Variants in ADAMTSL3 observed in about 807,000 individuals in gnomAD.
ADAMTSL3 encodes the protein ADAMTS like 3, also known as ADAMTS-like protein 3.
ADAMTSL3 carries 128 observed loss-of-function variants against 201.7 expected under a neutral mutation model. The ratio of observed to expected loss-of-function variants is 0.63; its 90% CI spans 0.55 to 0.73. ADAMTSL3 has a LOEUF of 0.73. Ranked by LOEUF, ADAMTSL3 falls within the 30% of genes least tolerant of loss-of-function variation. The pLI, the probability that ADAMTSL3 is intolerant of heterozygous loss-of-function variation, is 0.00. For synonymous variants in ADAMTSL3, 738 were observed against 748.4 expected, an observed-to-expected ratio of 0.99 and a Z score of 0.23; for missense variants, 1,990 against 2,119.6, an observed-to-expected ratio of 0.94 and a Z score of 1.20.
chr15:83,802,042 A>G (rs2063533026), intron 4 of ADAMTSL3, among the ~76,000 whole-genome samples: 1 of 152,120 alleles, frequency 6.6e-6, no homozygotes, highest in African/African-American at 2.4e-5. Context: ...AAGTCTCAAT[A>G]TCAAGGGTCA....
intron 19 of ADAMTSL3, among the ~76,000 whole-genome samples, chr15:83,959,521 A>G (rs998269134): frequency 6.6e-6 from 1 of 152,218 alleles, no homozygotes; most frequent in Admixed American, 6.5e-5. Flanking sequence ...CTTCTCAACA[A>G]TACCACTTCA....
chr15:83,974,862 A>ATGCCT (rs2067254952), intron 20 of ADAMTSL3, among the ~76,000 whole-genome samples: 1 of 152,112 alleles, frequency 6.6e-6, no homozygotes. Context: ...GGATTAGGGA[A>ATGCCT]GAGGAACCCA....
chr15:83,977,176 G>A (rs72748643), intron 20 of ADAMTSL3, among the ~76,000 whole-genome samples: 14,309 of 152,144 alleles, frequency 0.094, 886 homozygotes, highest in East Asian at 0.32. Context: ...AGGGATCTAG[G>A]TTGCAGCTCC....
chr15:83,892,566 C>T (rs966471562), intron 12 of ADAMTSL3, 118 bp from the exon 13 acceptor site: 3 of 968,204 alleles, frequency 3.1e-6, no homozygotes, highest in Non-Finnish European at 4.6e-6. Context: ...ACTCCCAGTC[C>T]CAGGCTCATT....
intron 3 of ADAMTSL3, among the ~76,000 whole-genome samples, chr15:83,747,396 G>C (rs964983148): frequency 2.0e-5 from 3 of 152,168 alleles, no homozygotes; most frequent in Non-Finnish European, 1.5e-5. Flanking sequence ...ACTTTGGTCA[G>C]TTTCTGCTCT....
intron 19 of ADAMTSL3, among the ~76,000 whole-genome samples, chr15:83,965,786 A>G (rs901559899): frequency 1.3e-5 from 2 of 152,188 alleles, no homozygotes; most frequent in African/African-American, 4.8e-5. Context: ...CTTGGAAGTA[A>G]AACACTCCTC....
intron 4 of ADAMTSL3, among the ~76,000 whole-genome samples, chr15:83,777,996 T>G (rs1253506968): frequency 2.0e-5 from 3 of 152,016 alleles, no homozygotes; most frequent in South Asian, 2.1e-4. Flanking sequence ...AATAGCAGAA[T>G]AGACCAAGTG....
chr15:83,785,332 G>GA, intron 4 of ADAMTSL3, among the ~76,000 whole-genome samples: 1 of 152,222 alleles, frequency 6.6e-6, no homozygotes, highest in Non-Finnish European at 1.5e-5. Flanking sequence ...TTATATATCT[G>GA]AAAATGACTT....
chr15:84,024,105 A>C (rs372348080), intron 26 of ADAMTSL3, among the ~76,000 whole-genome samples: 2 of 152,248 alleles, frequency 1.3e-5, no homozygotes, highest in African/African-American at 4.8e-5. Flanking sequence ...AATACAAAAA[A>C]ATCAGCCGGC....
rs543734178 is a variant in ADAMTSL3 at position 83,784,493 on chromosome 15, G to A, written c.317+10843G>A. ...ATAACTTCTGTGAATTTCCAGGTAC[G>A]ATACAGAGTTATTCACTTATTAACA... On this transcript the variant is annotated intron_variant, in intron 4 of 29. Coordinates refer to ENST00000286744, the MANE Select transcript of ADAMTSL3 (RefSeq NM_207517.3). 9.0e-4 allele frequency among the ~76,000 whole-genome samples: 137 copies of A among 152,208 alleles called. 1 individual carries two copies. The highest frequency in any genetic ancestry group is 3.2e-3 in the African/African-American group (134 of 41,528).
chr15:83,934,682 G>A (rs898719713), intron 17 of ADAMTSL3, among the ~76,000 whole-genome samples: 3 of 152,126 alleles, frequency 2.0e-5, no homozygotes, highest in Non-Finnish European at 4.4e-5. Context: ...TGTGTCAAGG[G>A]AGAGACCAGG....
intron 5 of ADAMTSL3, among the ~76,000 whole-genome samples, chr15:83,815,241 T>G (rs2063754954): frequency 6.6e-6 from 1 of 152,228 alleles, no homozygotes; most frequent in African/African-American, 2.4e-5. Context: ...CTTCATCTAA[T>G]CAATTGTACA....
chr15:83,978,569 C>T lies in ADAMTSL3; in HGVS notation c.2645-3704C>T, dbSNP rs778774844. ...AGAGGAAGGTCACCCCAAACCAGAC[C>T]GGTTTCTTGCCCAAGAACTATGTTT... On this transcript the variant is annotated intron_variant, in intron 20 of 29. Coordinates refer to ENST00000286744, the MANE Select transcript of ADAMTSL3 (RefSeq NM_207517.3). 6.6e-5 allele frequency among the ~76,000 whole-genome samples: 10 copies of T among 152,150 alleles called. No homozygotes were observed. The East Asian group carries it at 7.7e-4, about 12-fold the overall frequency.
intron 8 of ADAMTSL3, chr15:83,862,102 A>G (rs1308114457): frequency 6.6e-6 from 1 of 152,238 alleles, no homozygotes; most frequent in Non-Finnish European, 1.5e-5. Flanking sequence ...AAAGCATCCA[A>G]GAAATATGGG....
At chr15:83,776,264 A>G (rs1040024576) in intron 4 of ADAMTSL3, among the ~76,000 whole-genome samples, 2 of 152,318 alleles carry the variant, frequency 1.3e-5, no homozygotes, top group African/African-American at 4.8e-5. Flanking sequence ...AATCCTCAGA[A>G]GTTCTTCCTG....
At chr15:84,035,463 C>G (rs2068487588) in intron 28 of ADAMTSL3, among the ~76,000 whole-genome samples, 1 of 152,102 alleles carries the variant, frequency 6.6e-6, no homozygotes, top group African/African-American at 2.4e-5. Flanking sequence ...TTTTTGGTCC[C>G]TAAGATTCAT....
chr15:84,000,471 A>G (rs759136275), intron 23 of ADAMTSL3, among the ~76,000 whole-genome samples: 8 of 152,162 alleles, frequency 5.3e-5, no homozygotes, highest in Non-Finnish European at 1.2e-4. Context: ...ATGGTTGGAA[A>G]TTCCATCCAT....
intron 2 of ADAMTSL3, among the ~76,000 whole-genome samples, chr15:83,681,134 A>T (rs1037032012): frequency 1.3e-5 from 2 of 152,242 alleles, no homozygotes; most frequent in African/African-American, 4.8e-5. Context: ...CAGCTAGAAT[A>T]GGCTATATCA....
chr15:83,661,787 GAA>G (rs2061168518), intron 2 of ADAMTSL3, among the ~76,000 whole-genome samples: 3 of 150,632 alleles, frequency 2.0e-5, no homozygotes, highest in Admixed American at 6.6e-5. Context: ...CTTCTCAAAA[GAA>G]GACATTTATG....
Sources: gnomAD v4.1 joint callset for allele counts (sites outside exome capture counted in the v4.1 genomes callset) on GRCh38, gnomAD v4.1.1 for gene constraint, MANE v1.5 for transcripts, NCBI Gene and HGNC (gene_info 2026-07-23, HGNC 2026-07-21) for gene names.